MDGA2: variants seen among roughly 807,000 people sequenced by gnomAD.
MDGA2 encodes the protein MAM domain containing glycosylphosphatidylinositol anchor 2.
In MDGA2, 40 loss-of-function variants were observed where a neutral mutation model predicts 117.8. The observed-to-expected ratio is 0.34, with a 90% CI of 0.26 to 0.44. MDGA2 has a LOEUF of 0.44. MDGA2 is among the 20% of genes least tolerant of loss of function. MDGA2 has a pLI of 1.00. For synonymous variants in MDGA2, 452 were observed against 439.0 expected (o/e 1.03, Z -0.37); for missense variants, 1,123 against 1,250.6 (o/e 0.90, Z 1.54).
chr14:47,052,939 C>G lies in MDGA2; in HGVS notation c.1525+8310G>C, dbSNP rs75366052. 7.8e-4 allele frequency among the ~76,000 whole-genome samples: 118 copies of G among 151,916 alleles called. No individual in the cohort carries two copies. The East Asian group carries it at 0.021, about 26-fold the overall frequency. On this transcript the variant is annotated intron_variant, in intron 7 of 16. Coordinates refer to ENST00000399232, the MANE Select transcript of MDGA2 (RefSeq NM_001113498.3). Reference sequence around the variant, plus strand: ...CATTCTGTCGGTCTCTGTCACACTCCCTCACTCTTTCCATATTCAATCCTT... The same window carrying G: ...CATTCTGTCGGTCTCTGTCACACTCGCTCACTCTTTCCATATTCAATCCTT...
intron 1 of MDGA2, among the ~76,000 whole-genome samples, chr14:47,306,868 A>AGAGAGAGAGAGG (rs1491076614): frequency 2.7e-5 from 4 of 148,354 alleles, no homozygotes; most frequent in East Asian, 4.0e-4. Flanking sequence ...AGAGAGAGAG[A>AGAGAGAGAGAGG]GGCAGATAGA....
chr14:47,078,000 C>T (rs1243038925), intron 6 of MDGA2, among the ~76,000 whole-genome samples: 2 of 151,976 alleles, frequency 1.3e-5, no homozygotes, highest in Non-Finnish European at 2.9e-5. Context: ...AGGCTTAAAA[C>T]ATCAGGCCAA....
intron 9 of MDGA2, among the ~76,000 whole-genome samples, chr14:46,934,481 A>C (rs12883384): frequency 0.58 from 88,091 of 151,926 alleles, 25,777 homozygotes; most frequent in South Asian, 0.59. Flanking sequence ...CTTGAACTGC[A>C]AATCTTAAAA....
At chr14:47,025,233 T>G (rs1888430096) in intron 8 of MDGA2, among the ~76,000 whole-genome samples, 1 of 152,162 alleles carries the variant, frequency 6.6e-6, no homozygotes, top group African/African-American at 2.4e-5. Context: ...CTTTTAAAAT[T>G]CTAGCTCTGA....
At position 46,982,170 on chromosome 14, in the gene MDGA2, A is replaced by T. The variant is rs532737274; in HGVS notation, c.1820-24527T>A. On this transcript the variant is annotated intron_variant, in intron 8 of 16. Transcript: ENST00000399232. ...CCTCAGTGTTTCAGCTATGTACACA[A>T]GTGACCACAATAAAAGACACCATAT... 2.0e-5 allele frequency among the ~76,000 whole-genome samples: 3 copies of T among 152,302 alleles called. No individual in the cohort carries two copies. The East Asian group carries it at 5.8e-4, about 29-fold the overall frequency.
chr14:47,119,474 C>T (rs1881538078), intron 5 of MDGA2, among the ~76,000 whole-genome samples: 1 of 152,114 alleles, frequency 6.6e-6, no homozygotes, highest in Non-Finnish European at 1.5e-5. Flanking sequence ...GCAGACCATG[C>T]ATATTCAGTG....
intron 5 of MDGA2, among the ~76,000 whole-genome samples, chr14:47,110,044 A>T (rs1173633381): frequency 6.6e-6 from 1 of 152,136 alleles, no homozygotes; most frequent in African/African-American, 2.4e-5. Flanking sequence ...TTATTGACAA[A>T]TTCTAGTTAT....
At chr14:47,380,684 G>T (rs1371944799) in intron 1 of MDGA2, among the ~76,000 whole-genome samples, 1 of 151,790 alleles carries the variant, frequency 6.6e-6, no homozygotes, top group East Asian at 1.9e-4. Context: ...CCCTGAATAG[G>T]CCAATTACAG....
intron 1 of MDGA2, among the ~76,000 whole-genome samples, chr14:47,336,207 A>G (rs1015722040): frequency 1.3e-5 from 2 of 151,922 alleles, no homozygotes; most frequent in African/African-American, 4.8e-5. Context: ...TGTAGACTTC[A>G]TGTATCTTTA....
At chr14:47,097,412 T>C (rs1316258843) in intron 5 of MDGA2, among the ~76,000 whole-genome samples, 1 of 152,004 alleles carries the variant, frequency 6.6e-6, no homozygotes, top group East Asian at 1.9e-4. Flanking sequence ...ATGATTAAGG[T>C]TTTAAAACAA....
chr14:47,343,317 T>C, intron 1 of MDGA2: 1 of 1,066,010 alleles, frequency 9.4e-7, no homozygotes, highest in Non-Finnish European at 1.2e-6. Flanking sequence ...TGAGACGCTG[T>C]GAGTCTATTA....
chr14:47,674,027 A>C (rs1898125816), intron 1 of MDGA2, among the ~76,000 whole-genome samples: 1 of 151,054 alleles, frequency 6.6e-6, no homozygotes, highest in South Asian at 2.1e-4. Context: ...CTGTCACCCC[A>C]CTTCCTGAGC....
chr14:47,443,754 T>C (rs533684819), intron 1 of MDGA2, among the ~76,000 whole-genome samples: 2 of 152,250 alleles, frequency 1.3e-5, no homozygotes, highest in South Asian at 2.1e-4. Flanking sequence ...GAAAGACACC[T>C]TTCACCTGTA....
At chr14:46,999,520 T>A (rs1380131302) in intron 8 of MDGA2, among the ~76,000 whole-genome samples, 5 of 151,936 alleles carry the variant, frequency 3.3e-5, no homozygotes, top group East Asian at 1.9e-4. Flanking sequence ...GTAGAAAAAA[T>A]TTTCCCCTGA....
chr14:47,101,086 T>C (rs567600550), intron 5 of MDGA2, among the ~76,000 whole-genome samples: 1 of 105,996 alleles, frequency 9.4e-6, no homozygotes, highest in African/African-American at 3.9e-5. Context: ...GATAGATAGA[T>C]AGATAGATAG....
chr14:47,667,320 G>A (rs1410643843), intron 1 of MDGA2, among the ~76,000 whole-genome samples: 1 of 152,138 alleles, frequency 6.6e-6, no homozygotes, highest in Non-Finnish European at 1.5e-5. Flanking sequence ...ACCCAACTCA[G>A]TTACACTCAG....
At chr14:47,244,984 G>C (rs906658143) in intron 2 of MDGA2, among the ~76,000 whole-genome samples, 1 of 151,230 alleles carries the variant, frequency 6.6e-6, no homozygotes, top group South Asian at 2.1e-4. Flanking sequence ...TAAATAGTAA[G>C]GATATTTTCT....
chr14:47,113,824 G>A (rs1881177489), intron 5 of MDGA2, among the ~76,000 whole-genome samples: 1 of 152,138 alleles, frequency 6.6e-6, no homozygotes, highest in Non-Finnish European at 1.5e-5. Context: ...AAAGCTGGAA[G>A]CATTCCCCTT....
rs568413499 is a variant in MDGA2, at chr14:47,423,413, C to T, written c.281-121863G>A. Among the ~76,000 whole-genome samples the T allele has an allele frequency of 4.6e-5, 7 of 152,264 alleles. No homozygotes were observed. The East Asian group carries it at 5.8e-4, about 13-fold the overall frequency. On this transcript the variant is annotated intron_variant, in intron 1 of 16. Coordinates refer to ENST00000399232, the MANE Select transcript of MDGA2 (RefSeq NM_001113498.3). ...CATCTACCAGATACTAGGTGCTTTA[C>T]GCGCACTGTTCACCTAATTTAATCA...
Sources: allele counts gnomAD v4.1 joint callset (sites outside exome capture counted in the v4.1 genomes callset), GRCh38; gene constraint gnomAD v4.1.1; transcripts MANE v1.5; gene names NCBI Gene and HGNC (gene_info 2026-07-23, HGNC 2026-07-21).